Variants in HERC1 observed in about 807,000 individuals in gnomAD.
HERC1 encodes the protein probable E3 ubiquitin-protein ligase HERC1.
In HERC1, 160 loss-of-function variants were observed where a neutral mutation model predicts 554.3. That is an observed-to-expected ratio of 0.29 (90% CI 0.25 to 0.33). The LOEUF is 0.33. Among genes scored for constraint, HERC1 ranks in the 10% least tolerant of loss-of-function variants. HERC1 has a pLI of 1.00. For missense variants in HERC1, 4,919 were observed against 5,918.5 expected, an observed-to-expected ratio of 0.83 and a Z score of 5.54; for synonymous variants, 2,175 against 2,131.7, an observed-to-expected ratio of 1.02 and a Z score of -0.56.
chr15:63,805,550 TG>T (rs2077112328), intron 1 of HERC1, among the ~76,000 whole-genome samples: 1 of 152,216 alleles, frequency 6.6e-6, no homozygotes, highest in Non-Finnish European at 1.5e-5. Context: ...GACTATATGA[TG>T]ATTGTGGTGG....
At chr15:63,802,331 A>G (rs989238470) in intron 1 of HERC1, among the ~76,000 whole-genome samples, 2 of 152,238 alleles carry the variant, frequency 1.3e-5, no homozygotes, top group East Asian at 1.9e-4. Context: ...GTACACTTAG[A>G]AAAGGAAAAG....
chr15:63,723,375 T>C lies in HERC1; in HGVS notation c.3569-20A>G. The C allele has an allele frequency of 6.7e-7, 1 of 1,490,824 alleles. No individual in the cohort carries two copies. The highest frequency in any genetic ancestry group is 9.0e-7 in the Non-Finnish European group (1 of 1,106,564). The allele number at this position is 1,490,824 out of a possible 1,614,324, so 92.3% of individuals were successfully genotyped here. A position where few individuals can be genotyped will look rare whatever the true frequency, so the allele number is the denominator to read the frequency against. ...ATTTATCTAAAAAAAATACTCACGT[T>C]ACCAATTTTAACATCATAAATTTTG... On this transcript the variant is annotated intron_variant, in intron 18 of 77. Transcript: ENST00000443617.
intron 31 of HERC1, among the ~76,000 whole-genome samples, chr15:63,691,789 G>A (rs1162404727): frequency 3.9e-5 from 6 of 152,146 alleles, no homozygotes; most frequent in Admixed American, 6.5e-5. Flanking sequence ...TTCTGGAAAT[G>A]GATGGCAGTG....
intron 18 of HERC1, 24 bp from the exon 19 acceptor site, chr15:63,723,379 A>G: frequency 6.8e-7 from 1 of 1,463,026 alleles, no homozygotes; most frequent in South Asian, 1.3e-5. Context: ...TCACGTTACC[A>G]ATTTTAACAT....
intron 74 of HERC1, among the ~76,000 whole-genome samples, chr15:63,620,753 CTTCT>C (rs1209766050): frequency 4.6e-5 from 7 of 152,116 alleles, no homozygotes; most frequent in Admixed American, 1.3e-4. Flanking sequence ...ATGTAATGGC[CTTCT>C]TTGTCTCTTT....
chr15:63,662,673 A>G (rs769522477), intron 44 of HERC1, among the ~76,000 whole-genome samples: 6 of 152,224 alleles, frequency 3.9e-5, no homozygotes, highest in Non-Finnish European at 7.3e-5. Context: ...TAACCTGTCA[A>G]CGTCTACTGG....
chr15:63,829,475 TATAA>T (rs1294608782), intron 1 of HERC1, among the ~76,000 whole-genome samples: 1,247 of 43,466 alleles, frequency 0.029, 27 homozygotes, highest in African/African-American at 0.069. Flanking sequence ...TATATGTTTA[TATAA>T]ATATATATAT....
intron 64 of HERC1, 74 bp downstream of exon 64, chr15:63,637,431 G>C (rs751372707): frequency 3.8e-4 from 492 of 1,287,614 alleles, no homozygotes; most frequent in Non-Finnish European, 4.8e-4. Context: ...GGTTTGAGAA[G>C]GGCAAAGGTT....
chr15:63,679,319 T>G (rs1333019236), intron 36 of HERC1, among the ~76,000 whole-genome samples: 1 of 152,218 alleles, frequency 6.6e-6, no homozygotes, highest in Non-Finnish European at 1.5e-5. Context: ...AGCCTTAAAT[T>G]ATAATTCCTT....
chr15:63,715,844 C>A (rs752344402), intron 22 of HERC1, among the ~76,000 whole-genome samples: 1 of 152,184 alleles, frequency 6.6e-6, no homozygotes, highest in Non-Finnish European at 1.5e-5. Context: ...TGCTCCCTAT[C>A]GAAACAGCAG....
chr15:63,808,962 T>C (rs942890190), intron 1 of HERC1, among the ~76,000 whole-genome samples: 16 of 152,304 alleles, frequency 1.1e-4, no homozygotes, highest in East Asian at 1.9e-4. Context: ...TTATATCCAA[T>C]TGATACTTCA....
intron 12 of HERC1, among the ~76,000 whole-genome samples, chr15:63,744,701 GTT>G (rs2074991012): frequency 6.6e-6 from 1 of 152,144 alleles, no homozygotes; most frequent in Non-Finnish European, 1.5e-5. Context: ...GGATTCTTAA[GTT>G]AGCTTATGGT....
chr15:63,758,764 C>T lies in HERC1; in HGVS notation c.1027-395G>A, dbSNP rs74019010. Among the ~76,000 whole-genome samples the T allele has an allele frequency of 0.011, 1,661 of 152,224 alleles. 25 individuals carry two copies. Among genetic ancestry groups the T allele is most frequent in the African/African-American group, 0.039 (1,601 of 41,520 alleles). On this transcript the variant is annotated intron_variant, in intron 3 of 77. Transcript: ENST00000443617. This position sits in a 1 kb window ranked among gnomAD's most constrained non-coding sequence, Gnocchi z 4.0. ...TACAAATTATTTAACACAGTCACCACAGAGGATACATAAAAGTGACAAACT... is the reference window on the plus strand; with the variant it reads ...TACAAATTATTTAACACAGTCACCATAGAGGATACATAAAAGTGACAAACT...
chr15:63,669,812 G>T, intron 39 of HERC1, 114 bp from the exon 40 acceptor site: 1 of 853,908 alleles, frequency 1.2e-6, no homozygotes, highest in Non-Finnish European at 1.8e-6. Flanking sequence ...GTTAGTTATA[G>T]TTTAATGGAG....
intron 34 of HERC1, among the ~76,000 whole-genome samples, chr15:63,683,135 CA>C (rs1336396917): frequency 0.031 from 2,427 of 77,676 alleles, 28 homozygotes; most frequent in African/African-American, 0.11. Flanking sequence ...CACTCTGTCT[CA>C]AAAAAAAAAA....
intron 19 of HERC1, among the ~76,000 whole-genome samples, chr15:63,719,606 T>G (rs79503123): frequency 1.3e-5 from 2 of 152,202 alleles, no homozygotes; most frequent in Non-Finnish European, 2.9e-5. Context: ...GGGACAGCAA[T>G]AGCAGAAGTA....
chr15:63,656,055 A>G (rs1312718506), intron 49 of HERC1, 33 bp downstream of exon 49: 4 of 1,605,472 alleles, frequency 2.5e-6, no homozygotes, highest in South Asian at 1.1e-5. Context: ...GAAATAATCA[A>G]TGTAACGGGG....
At chr15:63,728,029 T>C (rs964362071) in intron 16 of HERC1, among the ~76,000 whole-genome samples, 191 bp from the exon 17 acceptor site, 7 of 152,240 alleles carry the variant, frequency 4.6e-5, no homozygotes, top group African/African-American at 1.4e-4. Context: ...ACAAACACTT[T>C]ATAGGAAAGC....
rs1596172864 is a variant in HERC1, at chr15:63,758,328, G to A, written c.1068C>T (p.Ser356=). 1 of 1,603,026 alleles carries A rather than the reference G, an allele frequency of 6.2e-7. No individual in the cohort carries two copies. Among genetic ancestry groups the A allele is most frequent in the African/African-American group, 1.3e-5 (1 of 74,734 alleles). The change falls in exon 4 of 78, where the codon AGC becomes AGT. Residue 356 remains serine (S), a synonymous_variant. Coordinates refer to ENST00000443617, the MANE Select transcript of HERC1 (RefSeq NM_003922.4). This position sits in a 1 kb window ranked among gnomAD's most constrained non-coding sequence, Gnocchi z 4.0. ...MASDYSRTCA[S]PDSIQTGDAP... is the part of the protein sequence containing the mutation. ...CATCACCAGTCTGAATGCTATCTGGGCTAGCACATGTTCTCGAATAATCAG... is the reference window on the plus strand; with the variant it reads ...CATCACCAGTCTGAATGCTATCTGGACTAGCACATGTTCTCGAATAATCAG...
Sources: gnomAD v4.1 joint callset for allele counts (sites outside exome capture counted in the v4.1 genomes callset) on GRCh38, gnomAD v4.1.1 for gene constraint, Gnocchi (gnomAD v3.1) non-coding constraint, MANE v1.5 for transcripts, NCBI Gene and HGNC (gene_info 2026-07-23, HGNC 2026-07-21) for gene names.